Variants in ORMDL1 observed in about 807,000 individuals in gnomAD.
The protein encoded by ORMDL1 is ORM1-like protein 1.
In ORMDL1, 10 loss-of-function variants were observed where a neutral mutation model predicts 13.0. The observed-to-expected ratio is 0.77, with a 90% CI of 0.47 to 1.30. The LOEUF is 1.30. Among genes scored for constraint, ORMDL1 ranks in the 50% most tolerant of loss-of-function variants. The pLI is 0.00. For synonymous variants in ORMDL1, 61 were observed against 63.9 expected (o/e 0.95, Z 0.22); for missense variants, 171 against 186.7 (o/e 0.92, Z 0.49).
rs5742924 is a variant in ORMDL1, at chr2:189,783,978, G to C, written c.-118+291C>G. ...CCCCCCTGCTAGACCGACAGCCCGA[G>C]CGCTCTGGGCCAGAGAAAACTCAGC... On this transcript the variant is annotated intron_variant, in intron 1 of 4. Transcript: ENST00000392349. The C allele has an allele frequency of 0.038, 5,736 of 152,352 alleles. 155 individuals carry two copies. The highest frequency in any genetic ancestry group is 0.067 in the African/African-American group (2,777 of 41,562). 9.4% of individuals were successfully genotyped at this position (152,352 alleles called of 1,614,324 possible).
chr2:189,771,993 T>C, intron 4 of ORMDL1, 91 bp from the exon 5 acceptor site: 1 of 967,250 alleles, frequency 1.0e-6, no homozygotes, highest in Non-Finnish European at 1.4e-6. Flanking sequence ...AAAAGGCCAC[T>C]AAAGCATAAA....
At chr2:189,768,629 T>C (rs2047520657), downstream of ORMDL1, among the ~76,000 whole-genome samples, 1 of 152,210 alleles carries the variant, frequency 6.6e-6, no homozygotes, top group Admixed American at 6.5e-5. Context: ...ATATTGAAGA[T>C]TTAAGGTTTT....
chr2:189,780,190 G>C (rs1372834048), intron 3 of ORMDL1, among the ~76,000 whole-genome samples: 1 of 152,102 alleles, frequency 6.6e-6, no homozygotes, highest in Non-Finnish European at 1.5e-5. Context: ...TAATAATTTT[G>C]TGCATGAAAT....
chr2:189,771,683 C>G lies in ORMDL1; in HGVS notation c.*84G>C. 8.3e-7 allele frequency: 1 copy of G among 1,208,744 alleles called. No individual in the cohort carries two copies. The highest frequency in any genetic ancestry group is 1.1e-6 in the Non-Finnish European group (1 of 879,912). 74.9% of individuals were successfully genotyped at this position (1,208,744 alleles called of 1,614,324 possible). ...GTAAATACTTCTCATTTCACATTAT[C>G]ACAGAAACAGTGCAGTTTACTAACC... On this transcript the variant is annotated 3_prime_UTR_variant, in exon 5 of 5. Coordinates refer to ENST00000392349, the MANE Select transcript of ORMDL1 (RefSeq NM_016467.5).
At chr2:189,774,493 A>G (rs1439808247) in intron 4 of ORMDL1, among the ~76,000 whole-genome samples, 1 of 152,216 alleles carries the variant, frequency 6.6e-6, no homozygotes, top group East Asian at 1.9e-4. Context: ...AAGTTCTAAC[A>G]TAAGGATTTC....
At chr2:189,766,221 G>A (rs2047481132), downstream of ORMDL1, among the ~76,000 whole-genome samples, 1 of 152,286 alleles carries the variant, frequency 6.6e-6, no homozygotes, top group African/African-American at 2.4e-5. Context: ...GTCTTTGGAA[G>A]ATATTTTGGG....
chr2:189,777,581 G>T (rs964886935), intron 3 of ORMDL1, among the ~76,000 whole-genome samples: 2 of 151,988 alleles, frequency 1.3e-5, no homozygotes, highest in Non-Finnish European at 2.9e-5. Flanking sequence ...TATATCTACT[G>T]CCCCAATATT....
chr2:189,780,869 A>G (rs988083346), intron 3 of ORMDL1, among the ~76,000 whole-genome samples: 1 of 152,222 alleles, frequency 6.6e-6, no homozygotes, highest in African/African-American at 2.4e-5. Context: ...CATCATTCTT[A>G]TCCTCCTCCA....
chr2:189,776,682 A>T (rs756670279), intron 3 of ORMDL1, among the ~76,000 whole-genome samples: 1 of 152,194 alleles, frequency 6.6e-6, no homozygotes, highest in Non-Finnish European at 1.5e-5. Flanking sequence ...TTCAAGGCTT[A>T]GTCTACTTCC....
intron 1 of ORMDL1, chr2:189,783,431 G>C (rs1391102783): frequency 6.6e-6 from 1 of 152,176 alleles, no homozygotes. Context: ...GGAAAACGAG[G>C]CTAGATTATA....
At chr2:189,775,539 C>T (rs1316298307) in intron 4 of ORMDL1, 26 bp downstream of exon 4, 4 of 1,577,326 alleles carry the variant, frequency 2.5e-6, no homozygotes, top group East Asian at 4.6e-5. Context: ...CAATCCTCCT[C>T]ATACCTAAAA....
chr2:189,783,803 C>T lies in ORMDL1; in HGVS notation c.-118+466G>A, dbSNP rs1334393998. Among the ~76,000 whole-genome samples the T allele has an allele frequency of 5.3e-5, 8 of 152,206 alleles. No individual in the cohort carries two copies. In the East Asian group the frequency reaches 1.3e-3, roughly 26 times the overall value. On this transcript the variant is annotated intron_variant, in intron 1 of 4. Transcript: ENST00000392349. ...AAGGCAAAGCTGGTGCGGTACTCAT[C>T]CTATTCCAACCAGAAAACCTTTTCC...
chr2:189,781,218 T>A (rs1267117913), intron 3 of ORMDL1, among the ~76,000 whole-genome samples: 1 of 152,142 alleles, frequency 6.6e-6, no homozygotes, highest in Admixed American at 6.5e-5. Context: ...CCACCGTGAC[T>A]GGCCAAAATA....
chr2:189,782,629 C>T (rs920012254), intron 2 of ORMDL1, 27 bp from the exon 3 acceptor site: 2 of 1,593,854 alleles, frequency 1.3e-6, no homozygotes, highest in African/African-American at 2.7e-5. Context: ...AATGAATCAA[C>T]ACTGATACAA....
intron 3 of ORMDL1, among the ~76,000 whole-genome samples, chr2:189,779,881 T>C (rs775236317): frequency 6.6e-6 from 1 of 152,238 alleles, no homozygotes; most frequent in Non-Finnish European, 1.5e-5. Flanking sequence ...GGTGACCTTG[T>C]ATTCTTGTTT....
intron 3 of ORMDL1, among the ~76,000 whole-genome samples, chr2:189,781,158 A>G (rs2047817576): frequency 1.3e-5 from 2 of 152,156 alleles, no homozygotes; most frequent in African/African-American, 4.8e-5. Flanking sequence ...CCTGAGCTCA[A>G]GTGATCTGTC....
At chr2:189,768,743 C>G (rs2047522994), downstream of ORMDL1, among the ~76,000 whole-genome samples, 1 of 152,130 alleles carries the variant, frequency 6.6e-6, no homozygotes, top group Non-Finnish European at 1.5e-5. Flanking sequence ...AAGTGGTACT[C>G]TTTCACAGCA....
chr2:189,764,478 T>G, the ORMDL1 span: 3 of 152,188 alleles, frequency 2.0e-5, no homozygotes, highest in Non-Finnish European at 4.4e-5. Flanking sequence ...GGCACATTAG[T>G]ATGGAATTTT....
chr2:189,775,645 G>A lies in ORMDL1; in HGVS notation c.246C>T (p.Leu82=). 1.2e-6 allele frequency: 2 copies of A among 1,613,990 alleles called. No homozygotes were observed. Among genetic ancestry groups the A allele is most frequent in the South Asian group, 1.1e-5 (1 of 91,076 alleles). Reference sequence around the variant, plus strand: ...AGTCCAGTTGTTCCCAATGAGTTAGGAGCCTTGCTTTACCCTGGTCAGGAG... The same window carrying A: ...AGTCCAGTTGTTCCCAATGAGTTAGAAGCCTTGCTTTACCCTGGTCAGGAG... ...FETPDQGKAR[L]LTHWEQLDYG... is the part of the protein sequence containing the mutation. Residue 82 remains leucine, a synonymous_variant, in exon 4 of 5, where the codon CTC becomes CTT. Coordinates refer to ENST00000392349, the MANE Select transcript of ORMDL1 (RefSeq NM_016467.5).
Sources: gnomAD v4.1 joint callset for allele counts (sites outside exome capture counted in the v4.1 genomes callset) on GRCh38, gnomAD v4.1.1 for gene constraint, MANE v1.5 for transcripts, NCBI Gene and HGNC (gene_info 2026-07-23, HGNC 2026-07-21) for gene names.